Variants in JUP observed in about 807,000 individuals in gnomAD.
JUP encodes the protein catenin (cadherin-associated protein), gamma 80kDa.
Under a neutral mutation model 71.1 loss-of-function variants are expected in JUP, and 28 were observed. The observed-to-expected ratio is 0.39, with a 90% CI of 0.29 to 0.54. The LOEUF (loss-of-function observed/expected upper bound fraction) is 0.54, where lower values mean the gene tolerates loss of function less well. Among genes scored for constraint, JUP ranks in the 20% least tolerant of loss-of-function variants. JUP has a pLI of 0.62. For synonymous variants in JUP, 401 were observed against 438.9 expected (o/e 0.91, Z 1.08); for missense variants, 869 against 1,030.1 (o/e 0.84, Z 2.14).
intron 1 of JUP, among the ~76,000 whole-genome samples, chr17:41,779,923 G>C (rs1035111994): frequency 4.0e-5 from 6 of 151,314 alleles, no homozygotes; most frequent in African/African-American, 1.5e-4. Context: ...CAATCCTCCT[G>C]CCTCAACCTT....
intron 1 of JUP, among the ~76,000 whole-genome samples, chr17:41,778,922 A>C (rs569811648): frequency 5.1e-4 from 76 of 150,062 alleles, no homozygotes; most frequent in African/African-American, 1.7e-3. Flanking sequence ...AAAAAAAAGA[A>C]AAAAAGGATG....
chr17:41,754,902 A>G lies in JUP; in HGVS notation c.*842T>C, dbSNP rs1174509796. ...GGGGAGTGAGGGGTGGGCAAAGCCA[A>G]CTAAGCACCCTGGAGAGAGAAGCTG... is the stretch of plus-strand genomic sequence containing the variant. On this transcript the variant is annotated 3_prime_UTR_variant, in exon 14 of 14. Coordinates refer to ENST00000393931, the MANE Select transcript of JUP (RefSeq NM_002230.4). The G allele has an allele frequency of 6.3e-6, 1 of 159,522 alleles. No individual in the cohort carries two copies. The highest frequency in any genetic ancestry group is 2.4e-5 in the African/African-American group (1 of 41,740). The allele number at this position is 159,522 out of a possible 1,614,324, so 9.9% of individuals were successfully genotyped here. A position where few individuals can be genotyped will look rare whatever the true frequency, so the allele number is the denominator to read the frequency against.
At chr17:41,758,253 G>T in intron 10 of JUP, 146 bp downstream of exon 10, 1 of 936,794 alleles carries the variant, frequency 1.1e-6, no homozygotes, top group Non-Finnish European at 1.6e-6. Flanking sequence ...GGGTTGCTAA[G>T]TAGTCAATCT....
At chr17:41,769,759 C>T in intron 2 of JUP, 82 bp from the exon 3 acceptor site, 1 of 1,486,326 alleles carries the variant, frequency 6.7e-7, no homozygotes, top group Non-Finnish European at 9.1e-7. Flanking sequence ...CAGACAGCCC[C>T]ACCTGGGTCC....
At chr17:41,784,040 G>C (rs1229556415) in intron 1 of JUP, among the ~76,000 whole-genome samples, 21 of 152,044 alleles carry the variant, frequency 1.4e-4, no homozygotes, top group Admixed American at 1.4e-3. Flanking sequence ...CTCAGGTAAT[G>C]AGAGACAGAG....
rs397517298 is a variant in JUP, at chr17:41,758,457, C to T, written c.1715G>A (p.Arg572Gln). ...GCTGALHILA[R>Q]DPMNRMEIFR... is the part of the protein sequence containing the mutation. ...GATCTCCATGCGGTTCATGGGGTCC[C>T]GGGCGAGGATGTGCAGTGCTCCGGT... The change falls in exon 10 of 14, where the codon CGG becomes CAG. Residue 572 changes from arginine to glutamine, a missense_variant. Physicochemically the swap from Arg to Gln is conservative, Grantham distance 43. Transcript: ENST00000393931. 9.9e-6 allele frequency: 16 copies of T among 1,613,920 alleles called. No individual in the cohort carries two copies. Among genetic ancestry groups the T allele is most frequent in the African/African-American group, 8.0e-5 (6 of 74,900 alleles).
intron 7 of JUP, among the ~76,000 whole-genome samples, 168 bp from the exon 8 acceptor site, chr17:41,763,489 T>C (rs1256930635): frequency 1.3e-5 from 2 of 152,134 alleles, no homozygotes; most frequent in Non-Finnish European, 2.9e-5. Context: ...GGCGTTACTA[T>C]CCTGTGGTGC....
intron 13 of JUP, 37 bp downstream of exon 13, chr17:41,756,138 G>A: frequency 6.2e-7 from 1 of 1,605,340 alleles, no homozygotes; most frequent in Admixed American, 1.7e-5. Context: ...AGCCGCCCAG[G>A]ATCTCCAGGG....
chr17:41,762,317 C>T (rs1161359026), intron 8 of JUP, among the ~76,000 whole-genome samples: 2 of 151,274 alleles, frequency 1.3e-5, no homozygotes, highest in Non-Finnish European at 2.9e-5. Flanking sequence ...TCAAGTGATC[C>T]TTCCGCTTCC....
Position 41,771,848 on chromosome 17 carries a change from C to T in JUP, c.7G>A (p.Val3Met). The change falls in exon 2 of 14, where the codon GTG becomes ATG. Residue 3 changes from valine (V) to methionine (M), a missense_variant. Physicochemically the swap from Val to Met is conservative, Grantham distance 21. Transcript: ENST00000393931. ME[V>M]MNLMEQPIKV... ...ATAGGCTGCTCCATCAGGTTCATCA[C>T]CTCCATCGTGGCTACTGGGGGCACA... 3 of 1,611,540 alleles carry T rather than the reference C, an allele frequency of 1.9e-6. No individual in the cohort carries two copies. Among genetic ancestry groups the T allele is most frequent in the Non-Finnish European group, 2.5e-6 (3 of 1,178,846 alleles).
chr17:41,769,426 C>G lies in JUP; in HGVS notation c.460G>C (p.Glu154Gln). ...CAGGGACCCTCACAGACCGGGTCCT[C>G]GTCGTTGAGCAGTTTGGTGAGCTCG... ...LPELTKLLND[E>Q]DPVVVTKAAM... The change falls in exon 3 of 14, where the codon GAG becomes CAG. Residue 154 changes from glutamate to glutamine, a missense_variant. Transcript: ENST00000393931. 6.2e-7 allele frequency: 1 copy of G among 1,611,754 alleles called. No homozygotes were observed. The highest frequency in any genetic ancestry group is 1.3e-5 in the African/African-American group (1 of 75,022).
chr17:41,760,549 C>T (rs368478638), intron 8 of JUP, among the ~76,000 whole-genome samples: 2 of 150,156 alleles, frequency 1.3e-5, no homozygotes, highest in African/African-American at 2.5e-5. Flanking sequence ...TGAGCCACCA[C>T]GCCTGGCCAT....
At chr17:41,771,958 A>C in intron 1 of JUP, 96 bp from the exon 2 acceptor site, 2 of 1,009,590 alleles carry the variant, frequency 2.0e-6, no homozygotes, top group Non-Finnish European at 3.0e-6. Context: ...TTCCCACATC[A>C]TCACCATGGC....
chr17:41,772,742 TC>T (rs1916859585), intron 1 of JUP: 1 of 923,608 alleles, frequency 1.1e-6, no homozygotes, highest in South Asian at 5.0e-5. Flanking sequence ...AGGCTAGGGA[TC>T]TGGGGTGGGG....
chr17:41,786,254 CAA>C (rs1488071004), intron 1 of JUP: 3 of 152,136 alleles, frequency 2.0e-5, no homozygotes, highest in Non-Finnish European at 4.4e-5. Flanking sequence ...CGAAGCAGAG[CAA>C]AGTCTCCCCC....
intron 2 of JUP, chr17:41,771,376 T>G: frequency 1.8e-6 from 1 of 546,542 alleles, no homozygotes; most frequent in East Asian, 3.2e-5. Flanking sequence ...GACTATGGCT[T>G]TTCCTTCAGA....
intron 1 of JUP, 92 bp from the exon 2 acceptor site, chr17:41,771,954 C>T: frequency 9.7e-7 from 1 of 1,030,976 alleles, no homozygotes; most frequent in African/African-American, 1.6e-5. Context: ...TGTCTTCCCA[C>T]ATCATCACCA....
intron 2 of JUP, 28 bp downstream of exon 2, chr17:41,771,619 C>G (rs1555606888): frequency 6.2e-7 from 1 of 1,606,810 alleles, no homozygotes; most frequent in East Asian, 2.3e-5. Flanking sequence ...GTTTTCTGCC[C>G]CATGCAATAG....
intron 1 of JUP, among the ~76,000 whole-genome samples, chr17:41,781,474 T>C (rs1327374354): frequency 1.1e-4 from 16 of 152,210 alleles, no homozygotes; most frequent in African/African-American, 3.4e-4. Context: ...GAGCTTGCCC[T>C]TCAGGCCTGG....
Sources: allele counts gnomAD v4.1 joint callset (sites outside exome capture counted in the v4.1 genomes callset), GRCh38; gene constraint gnomAD v4.1.1; transcripts MANE v1.5; gene names NCBI Gene and HGNC (gene_info 2026-07-23, HGNC 2026-07-21).